Variants in MMP3 observed in about 807,000 individuals in gnomAD.
The protein encoded by MMP3 is matrix metallopeptidase 3.
A neutral mutation model predicts 47.3 loss-of-function variants in MMP3; 46 were observed. The observed-to-expected ratio is 0.97, with a 90% CI of 0.77 to 1.24. The LOEUF (loss-of-function observed/expected upper bound fraction) is 1.24, where lower values mean the gene tolerates loss of function less well. MMP3 is among the 50% of genes most tolerant of loss of function. The probability of loss-of-function intolerance (pLI) is 0.00; values close to 1 mark genes in which losing one functional copy is unlikely to be tolerated. For missense variants in MMP3, 558 were observed against 565.5 expected (o/e 0.99, Z 0.13); for synonymous variants, 216 against 206.5 (o/e 1.05, Z -0.39).
chr11:102,842,988 T>A, intron 1 of MMP3, 72 bp from the exon 2 acceptor site: 1 of 1,316,550 alleles, frequency 7.6e-7, no homozygotes. Flanking sequence ...TAGTAAGTTT[T>A]TGCAGTTGCT....
chr11:102,838,765 C>G, intron 7 of MMP3, 55 bp from the exon 8 acceptor site: 1 of 1,537,164 alleles, frequency 6.5e-7, no homozygotes, highest in Non-Finnish European at 8.8e-7. Context: ...TAAGCCCTTT[C>G]GCTTTAGAAA....
At chr11:102,838,929 C>G (rs1007694688) in intron 7 of MMP3, among the ~76,000 whole-genome samples, 181 bp downstream of exon 7, 5 of 152,220 alleles carry the variant, frequency 3.3e-5, no homozygotes, top group African/African-American at 1.2e-4. Context: ...AATTTATCTT[C>G]TTGTCTTTAT....
chr11:102,842,063 C>T (rs926642477), intron 4 of MMP3, 91 bp downstream of exon 4: 4 of 1,276,712 alleles, frequency 3.1e-6, no homozygotes, highest in Middle Eastern at 2.0e-4. Context: ...AAATCCAGAA[C>T]ATCTCATTTC....
intron 6 of MMP3, 99 bp from the exon 7 acceptor site, chr11:102,839,342 T>C: frequency 2.2e-6 from 3 of 1,380,110 alleles, no homozygotes; most frequent in African/African-American, 1.5e-5. Context: ...CCCCATTCTC[T>C]CATCTTCTAG....
In MMP3 at chr11:102,842,454, A is replaced by G. The variant is rs145941285; in HGVS notation, c.476T>C (p.Ile159Thr). Residue 159 changes from isoleucine (I) to threonine (T), a missense_variant, in exon 3 of 10, where the codon ATA (isoleucine) becomes ACA (threonine). Coordinates refer to ENST00000299855, the MANE Select transcript of MMP3 (RefSeq NM_002422.5). ...ACCTCTAACTGCAAAAGAGATCATT[A>G]TATCAGCCTCTCCTTCATACAGCCT... is the stretch of plus-strand genomic sequence containing the variant. ...FSRLYEGEAD[I>T]MISFAVREHG... 292 of 1,490,684 alleles carry G rather than the reference A, an allele frequency of 2.0e-4. 2 individuals are homozygous for G. The highest frequency in any genetic ancestry group is 2.0e-4 in the Admixed American group (10 of 49,906). 92.3% of individuals were successfully genotyped at this position (1,490,684 alleles called of 1,614,324 possible). A position where few individuals can be genotyped will look rare whatever the true frequency, so the allele number is the denominator to read the frequency against.
At position 102,838,622 on chromosome 11, in the gene MMP3, C is replaced by T. The variant is rs1555004940; in HGVS notation, c.1158G>A (p.Arg386=). ...IHTLGFPPTV[R]KIDAAISDKE... is the part of the protein sequence containing the mutation. Reference sequence around the variant, plus strand: ...TATCAGAAATGGCTGCATCGATTTTCCTCACGGTTGGAGGGAAACCTAGGG... The same window carrying T: ...TATCAGAAATGGCTGCATCGATTTTTCTCACGGTTGGAGGGAAACCTAGGG... Residue 386 remains arginine (R), a synonymous_variant, in exon 8 of 10, where the codon AGG becomes AGA. Transcript: ENST00000299855. 1.9e-6 allele frequency: 3 copies of T among 1,613,390 alleles called. No individual in the cohort carries two copies. The highest frequency in any genetic ancestry group is 1.3e-5 in the African/African-American group (1 of 74,900).
intron 4 of MMP3, among the ~76,000 whole-genome samples, chr11:102,840,879 G>C (rs1314589597): frequency 1.3e-5 from 2 of 150,388 alleles, no homozygotes; most frequent in Non-Finnish European, 3.0e-5. Context: ...ATTAACTCCA[G>C]AAGAACCAGA....
rs1858875463 is a variant in MMP3 at position 102,836,074 on chromosome 11, G to C, written c.*52C>G. On this transcript the variant is annotated 3_prime_UTR_variant, in exon 10 of 10. Transcript: ENST00000299855. This position sits in a 1 kb window ranked among gnomAD's most constrained non-coding sequence, Gnocchi z 4.6. ...TTCAATTCACAGAGACTTAGGTGAA[G>C]AATTATTAGCTTCATTTAAAGTGCC... The C allele has an allele frequency of 1.5e-6, 2 of 1,327,564 alleles. No individual in the cohort carries two copies. The highest frequency in any genetic ancestry group is 2.4e-5 in the South Asian group (2 of 83,024). The allele number at this position is 1,327,564 out of a possible 1,614,324, so 82.2% of individuals were successfully genotyped here. A position where few individuals can be genotyped will look rare whatever the true frequency, so the allele number is the denominator to read the frequency against.
In MMP3 at chr11:102,838,519, C is replaced by T. The variant is rs781830212; in HGVS notation, c.1229+32G>A. On this transcript the variant is annotated intron_variant, in intron 8 of 9. Coordinates refer to ENST00000299855, the MANE Select transcript of MMP3 (RefSeq NM_002422.5). The stretch of plus-strand genomic sequence containing the variant: ...AAAGAAACTAATTTCCCTAATTAGG[C>T]TCCATACAAAGTCATTTCTCTTGCA... The T allele has an allele frequency of 2.5e-6, 4 of 1,597,220 alleles. No individual in the cohort carries two copies. The East Asian group carries it at 6.7e-5, about 27-fold the overall frequency.
Position 102,840,584 on chromosome 11 carries a change from A to T in MMP3, c.635T>A (p.Leu212Ter), listed in dbSNP as rs1858978976. ...AATTTCATGAGCAGCAACGAGAAAT[A>T]AATTGGTCCCTATTTAAGAAATTGA... The part of the protein sequence containing the change: ...QWTKDTTGTN[L>*]FLVAAHEIGH... The change falls in exon 5 of 10, where the codon TTA becomes TAA. Residue 212 changes from leucine (L) to a stop codon, truncating the protein, a stop_gained. Coordinates refer to ENST00000299855, the MANE Select transcript of MMP3 (RefSeq NM_002422.5). LOFTEE classifies it high-confidence loss of function. The T allele has an allele frequency of 1.2e-6, 2 of 1,613,096 alleles. No homozygotes were observed. Among genetic ancestry groups the T allele is most frequent in the African/African-American group, 2.7e-5 (2 of 74,882 alleles).
Position 102,836,644 on chromosome 11 carries a change from C to T in MMP3, c.1334-418G>A, listed in dbSNP as rs1555004618. ...TCTTTCTTCCCCAAAAATCCTCCTCCCTTTTCCCTGCATTGCAGCCTAGGA... is the reference window on the plus strand; with the variant it reads ...TCTTTCTTCCCCAAAAATCCTCCTCTCTTTTCCCTGCATTGCAGCCTAGGA... On this transcript the variant is annotated intron_variant, in intron 9 of 9. Transcript: ENST00000299855. The surrounding 1 kb of genome is among the most constrained non-coding windows in gnomAD (Gnocchi z 4.6). The T allele has an allele frequency of 6.6e-6, 3 of 455,958 alleles. No individual in the cohort carries two copies. Among genetic ancestry groups the T allele is most frequent in the African/African-American group, 2.0e-5 (1 of 49,838 alleles). 28.2% of individuals were successfully genotyped at this position (455,958 alleles called of 1,614,324 possible).
At position 102,836,814 on chromosome 11, in the gene MMP3, G is replaced by A. The variant is rs1273548782; in HGVS notation, c.1333+484C>T. ...ATCTTTTTTTTTTTTTAAACTTTGG[G>A]CACATGGAAAGGTAAGTATTTGCAA... On this transcript the variant is annotated intron_variant, in intron 9 of 9. Transcript: ENST00000299855. This position sits in a 1 kb window ranked among gnomAD's most constrained non-coding sequence, Gnocchi z 4.6. 3.1e-5 allele frequency: 7 copies of A among 227,362 alleles called. No homozygotes were observed. Among genetic ancestry groups the A allele is most frequent in the African/African-American group, 4.7e-5 (2 of 42,464 alleles). 14.1% of individuals were successfully genotyped at this position (227,362 alleles called of 1,614,324 possible).
Position 102,843,482 on chromosome 11 carries a change from C to T in MMP3, c.65G>A (p.Gly22Glu), listed in dbSNP as rs1440362748. 3 of 1,613,620 alleles carry T rather than the reference C, an allele frequency of 1.9e-6. No homozygotes were observed. The highest frequency in any genetic ancestry group is 3.3e-5 in the Admixed American group (2 of 59,936). ...GCTGGTGTCCTCACCCCTTGCAGCTCCATCCAATGGATAGGCTGAGCAAAC... is the reference window on the plus strand; with the variant it reads ...GCTGGTGTCCTCACCCCTTGCAGCTTCATCCAATGGATAGGCTGAGCAAAC... ...VAVCSAYPLDGAARGEDTSMN... is the reference protein window; with the variant it reads ...VAVCSAYPLDEAARGEDTSMN... The change falls in exon 1 of 10, where the codon GGA becomes GAA. Residue 22 changes from glycine to glutamate, a missense_variant. Physicochemically the swap from Gly to Glu is moderately conservative, Grantham distance 98. Coordinates refer to ENST00000299855, the MANE Select transcript of MMP3 (RefSeq NM_002422.5).
At chr11:102,842,384 TTTTGTTTTG>T in intron 3 of MMP3, 38 bp downstream of exon 3, 1 of 1,074,356 alleles carries the variant, frequency 9.3e-7, no homozygotes. Context: ...TTCATGTGTT[TTTTGTTTTG>T]TTTTGTTTTG....
Position 102,840,578 on chromosome 11 carries a change from A to C in MMP3, c.641T>G (p.Leu214Arg). 6.2e-7 allele frequency: 1 copy of C among 1,613,220 alleles called. No individual in the cohort carries two copies. The highest frequency in any genetic ancestry group is 8.5e-7 in the Non-Finnish European group (1 of 1,179,812). The change falls in exon 5 of 10, where the codon CTC becomes CGC. Residue 214 changes from leucine to arginine, a missense_variant. Physicochemically the swap from Leu to Arg is moderately radical, Grantham distance 102. Coordinates refer to ENST00000299855, the MANE Select transcript of MMP3 (RefSeq NM_002422.5). Reference protein sequence around the residue: ...TKDTTGTNLFLVAAHEIGHSL... With the variant: ...TKDTTGTNLFRVAAHEIGHSL... ...GTGGCCAATTTCATGAGCAGCAACG[A>C]GAAATAAATTGGTCCCTATTTAAGA...
Position 102,842,234 on chromosome 11 carries a change from G to T in MMP3, c.545C>A (p.Ala182Asp), listed in dbSNP as rs1283847664. The T allele has an allele frequency of 1.2e-6, 2 of 1,610,560 alleles. No individual in the cohort carries two copies. Among genetic ancestry groups the T allele is most frequent in the African/African-American group, 2.7e-5 (2 of 74,606 alleles). The change falls in exon 4 of 10, where the codon GCC (alanine) becomes GAC (aspartate). Residue 182 changes from alanine (A) to aspartate (D), a missense_variant. Physicochemically the swap from Ala to Asp is moderately radical, Grantham distance 126. Coordinates refer to ENST00000299855, the MANE Select transcript of MMP3 (RefSeq NM_002422.5). ...CCCTGGCCCAGGGGCATAGGCATGG[G>T]CCAAAACATTTCCAGGTCCATCAAA... ...YPFDGPGNVL[A>D]HAYAPGPGIN... is the part of the protein sequence containing the mutation.
Position 102,842,241 on chromosome 11 carries a change from C to T in MMP3, c.538G>A (p.Val180Ile). ...DFYPFDGPGNVLAHAYAPGPG... is the reference protein window; with the variant it reads ...DFYPFDGPGNILAHAYAPGPG... ...CCAGGGGCATAGGCATGGGCCAAAA[C>T]ATTTCCAGGTCCATCAAAAGGGTAA... Residue 180 changes from valine (V) to isoleucine (I), a missense_variant, in exon 4 of 10, where the codon GTT becomes ATT. Val to Ile is a conservative substitution (Grantham distance 29, BLOSUM62 3). Coordinates refer to ENST00000299855, the MANE Select transcript of MMP3 (RefSeq NM_002422.5). 1.2e-6 allele frequency: 2 copies of T among 1,609,542 alleles called. No individual in the cohort carries two copies. Among genetic ancestry groups the T allele is most frequent in the South Asian group, 1.1e-5 (1 of 90,118 alleles).
chr11:102,838,722 A>G lies in MMP3; in HGVS notation c.1070-12T>C, dbSNP rs1435211189. ...CCAGAATTGATTTCCTGTTAAATAT[A>G]AATAATTCAGAGTCATATTGAATTA... On this transcript the variant is annotated splice_polypyrimidine_tract_variant and intron_variant, in intron 7 of 9. Coordinates refer to ENST00000299855, the MANE Select transcript of MMP3 (RefSeq NM_002422.5). 2.5e-6 allele frequency: 4 copies of G among 1,607,356 alleles called. No homozygotes were observed. The highest frequency in any genetic ancestry group is 3.4e-6 in the Non-Finnish European group (4 of 1,176,764).
At position 102,836,057 on chromosome 11, in the gene MMP3, A is replaced by G. The variant is rs1185273406; in HGVS notation, c.*69T>C. The G allele has an allele frequency of 1.8e-5, 22 of 1,192,126 alleles. No homozygotes were observed. The Middle Eastern group carries it at 5.8e-4, about 31-fold the overall frequency. 73.8% of individuals were successfully genotyped at this position (1,192,126 alleles called of 1,614,324 possible). ...CAGGAGAAAACGAACATTTCAATTC[A>G]CAGAGACTTAGGTGAAGAATTATTA... is the stretch of plus-strand genomic sequence containing the variant. On this transcript the variant is annotated 3_prime_UTR_variant, in exon 10 of 10. Coordinates refer to ENST00000299855, the MANE Select transcript of MMP3 (RefSeq NM_002422.5). The surrounding 1 kb of genome is among the most constrained non-coding windows in gnomAD (Gnocchi z 4.6).
Sources: allele counts gnomAD v4.1 joint callset (sites outside exome capture counted in the v4.1 genomes callset), GRCh38; gene constraint gnomAD v4.1.1; non-coding constraint Gnocchi (gnomAD v3.1); transcripts MANE v1.5; gene names NCBI Gene and HGNC (gene_info 2026-07-23, HGNC 2026-07-21).